Variants in KHDC1 observed in about 807,000 individuals in gnomAD.
The protein encoded by KHDC1 is KH homology domain-containing protein 1.
KHDC1 carries 21 observed loss-of-function variants against 24.7 expected under a neutral mutation model. That is an observed-to-expected ratio of 0.85 (90% CI 0.60 to 1.23). KHDC1 has a LOEUF of 1.23. Among genes scored for constraint, KHDC1 ranks in the 50% most tolerant of loss-of-function variants. KHDC1 has a pLI of 0.00. For missense variants in KHDC1, 274 were observed against 298.5 expected, an observed-to-expected ratio of 0.92 and a Z score of 0.61; for synonymous variants, 98 against 111.7, an observed-to-expected ratio of 0.88 and a Z score of 0.77.
chr6:73,300,209 T>C (rs1025559238), intron 1 of KHDC1: 1 of 152,364 alleles, frequency 6.6e-6, no homozygotes, highest in African/African-American at 2.4e-5. Context: ...CTCTTCAGGA[T>C]GTTCAGGCTC....
intron 4 of KHDC1, 110 bp from the exon 4 acceptor site, chr6:73,241,838 C>T: frequency 7.9e-7 from 1 of 1,258,934 alleles, no homozygotes; most frequent in Non-Finnish European, 1.1e-6. Context: ...CCAGCCCAGA[C>T]CTTCCAAGGT....
chr6:73,284,703 TAGC>T (rs1159331516), intron 2 of KHDC1: 1 of 152,194 alleles, frequency 6.6e-6, no homozygotes, highest in Non-Finnish European at 1.5e-5. Context: ...GCTGGATTGA[TAGC>T]AGCCTCACCT....
At chr6:73,290,343 G>A (rs1423681195) in intron 2 of KHDC1, 3 of 277,288 alleles carry the variant, frequency 1.1e-5, no homozygotes, top group Non-Finnish European at 2.1e-5. Context: ...GGTCCATACA[G>A]TGTTGTTCTG....
At chr6:73,272,276 G>C (rs1253071370) in intron 2 of KHDC1, among the ~76,000 whole-genome samples, 1 of 151,584 alleles carries the variant, frequency 6.6e-6, no homozygotes, top group East Asian at 2.0e-4. Context: ...CTATTCTCCT[G>C]CCTCACTCCC....
chr6:73,253,414 G>A (rs931211108), intron 2 of KHDC1, among the ~76,000 whole-genome samples: 4 of 151,812 alleles, frequency 2.6e-5, no homozygotes, highest in Non-Finnish European at 4.4e-5. Context: ...TTAGCCAGGT[G>A]TGGTGGCAGG....
At chr6:73,294,033 C>T (rs1012132395) in intron 1 of KHDC1, among the ~76,000 whole-genome samples, 2 of 150,182 alleles carry the variant, frequency 1.3e-5, no homozygotes, top group African/African-American at 4.9e-5. Flanking sequence ...AAAAAACCAC[C>T]AGCCATTTGG....
At chr6:73,246,719 T>C (rs1197854278) in intron 2 of KHDC1, among the ~76,000 whole-genome samples, 1 of 152,196 alleles carries the variant, frequency 6.6e-6, no homozygotes, top group Non-Finnish European at 1.5e-5. Flanking sequence ...CTAAAAAAAT[T>C]TTTTTTCTTT....
intron 2 of KHDC1, among the ~76,000 whole-genome samples, chr6:73,276,934 T>C (rs12216162): frequency 0.28 from 42,107 of 152,070 alleles, 6,483 homozygotes; most frequent in African/African-American, 0.41. Context: ...TCTTTGCTTG[T>C]TCCCACATGA....
At chr6:73,295,802 T>C (rs1467119099) in intron 1 of KHDC1, among the ~76,000 whole-genome samples, 2 of 146,958 alleles carry the variant, frequency 1.4e-5, no homozygotes, top group African/African-American at 2.5e-5. Flanking sequence ...GCTGAGATCA[T>C]GCCACTGCAC....
At chr6:73,256,118 C>G (rs1451672420) in intron 2 of KHDC1, among the ~76,000 whole-genome samples, 3 of 152,082 alleles carry the variant, frequency 2.0e-5, no homozygotes, top group Non-Finnish European at 1.5e-5. Flanking sequence ...TCTCCTTAGG[C>G]CTAGTAATTT....
chr6:73,282,813 CTCGACACACTG>C (rs1336501217), intron 2 of KHDC1, among the ~76,000 whole-genome samples: 3 of 152,182 alleles, frequency 2.0e-5, no homozygotes, highest in Non-Finnish European at 4.4e-5. Context: ...CCAATCAACA[CTCGACACACTG>C]TCCTTCCCCC....
intron 1 of KHDC1, among the ~76,000 whole-genome samples, chr6:73,296,629 CTTT>C (rs367689893): frequency 2.6e-5 from 4 of 152,180 alleles, no homozygotes; most frequent in African/African-American, 7.2e-5. Context: ...TGGATTCAAA[CTTT>C]TTTTATTATA....
chr6:73,295,506 C>G (rs147459513), intron 1 of KHDC1, among the ~76,000 whole-genome samples: 1,524 of 151,924 alleles, frequency 0.01, 23 homozygotes, highest in African/African-American at 0.035. Context: ...AGTTTGAGAC[C>G]AGCCTGGGCA....
intron 2 of KHDC1, among the ~76,000 whole-genome samples, chr6:73,244,683 G>T (rs1362024247): frequency 1.4e-5 from 2 of 143,374 alleles, no homozygotes; most frequent in Non-Finnish European, 3.1e-5. Flanking sequence ...AGGGGGTTTG[G>T]GGGAGGTGGG....
chr6:73,254,506 AT>A (rs1766844126), intron 2 of KHDC1, among the ~76,000 whole-genome samples: 3 of 149,148 alleles, frequency 2.0e-5, no homozygotes, highest in East Asian at 3.9e-4. Flanking sequence ...AAATAAATAA[AT>A]AAATAAAAGA....
At chr6:73,241,976 C>G in intron 4 of KHDC1, 79 bp downstream of exon 3, 1 of 1,439,122 alleles carries the variant, frequency 6.9e-7, no homozygotes, top group Non-Finnish European at 9.4e-7. Flanking sequence ...AGGGATTCTT[C>G]AAGAATCCAA....
exon 1 of KHDC1, chr6:73,309,688 G>A (rs1304297609): frequency 1.3e-6 from 2 of 1,549,936 alleles, no homozygotes; most frequent in African/African-American, 1.4e-5. Flanking sequence ...ATAAGACTCG[G>A]AACAGCCTCT....
At chr6:73,248,144 T>G (rs1033027320) in intron 2 of KHDC1, among the ~76,000 whole-genome samples, 28 of 152,298 alleles carry the variant, frequency 1.8e-4, no homozygotes, top group Admixed American at 1.3e-3. Flanking sequence ...AGGTAAGGCA[T>G]CGAGACTGGC....
At chr6:73,292,562 G>A (rs1161632591) in intron 1 of KHDC1, 1 of 767,070 alleles carries the variant, frequency 1.3e-6, no homozygotes, top group Non-Finnish European at 2.4e-6. Context: ...TAATAATTCT[G>A]TGAGTTCTCC....
Sources: gnomAD v4.1 joint callset for allele counts (sites outside exome capture counted in the v4.1 genomes callset) on GRCh38, gnomAD v4.1.1 for gene constraint, MANE v1.5 for transcripts, NCBI Gene and HGNC (gene_info 2026-07-23, HGNC 2026-07-21) for gene names.